CPNE3: variants seen among roughly 807,000 people sequenced by gnomAD.
CPNE3 encodes copine-3.
Under a neutral mutation model 63.9 loss-of-function variants are expected in CPNE3, and 68 were observed. That is an observed-to-expected ratio of 1.06 (90% CI 0.87 to 1.30). The LOEUF (loss-of-function observed/expected upper bound fraction) is 1.30, where lower values mean the gene tolerates loss of function less well. Ranked by LOEUF, CPNE3 falls within the 50% of genes most tolerant of loss-of-function variation. The pLI, the probability that CPNE3 is intolerant of heterozygous loss-of-function variation, is 0.00. For synonymous variants in CPNE3, 219 were observed against 197.5 expected, an observed-to-expected ratio of 1.11 and a Z score of -0.91; for missense variants, 665 against 578.1, an observed-to-expected ratio of 1.15 and a Z score of -1.54.
chr8:86,525,693 T>G (rs750438117), intron 2 of CPNE3, among the ~76,000 whole-genome samples: 27 of 152,236 alleles, frequency 1.8e-4, no homozygotes, highest in South Asian at 1.0e-3. Context: ...TGACTTCACA[T>G]GTAGATGTCT....
rs768582756 is a variant in CPNE3, at chr8:86,531,197, A to G, written c.355A>G (p.Thr119Ala). 4 of 1,335,166 alleles carry G rather than the reference A, an allele frequency of 3.0e-6. No individual in the cohort carries two copies. Among genetic ancestry groups the G allele is most frequent in the Non-Finnish European group, 4.3e-6 (4 of 925,062 alleles). The allele number at this position is 1,335,166 out of a possible 1,614,324, so 82.7% of individuals were successfully genotyped here. A position where few individuals can be genotyped will look rare whatever the true frequency, so the allele number is the denominator to read the frequency against. ...GCTAACTCGACCACTGGTGATGAAA[A>G]CTGGCAGACCTGCAGGAAAAGGGAG... ...KKLTRPLVMK[T>A]GRPAGKGSIT... The change falls in exon 5 of 17, where the codon ACT (threonine) becomes GCT (alanine). Residue 119 changes from threonine (T) to alanine (A), a missense_variant. Coordinates refer to ENST00000517490, the MANE Select transcript of CPNE3 (RefSeq NM_003909.5).
intron 8 of CPNE3, 28 bp from the exon 9 acceptor site, chr8:86,544,712 T>G (rs1464608962): frequency 8.9e-7 from 1 of 1,118,270 alleles, no homozygotes; most frequent in Non-Finnish European, 1.2e-6. Flanking sequence ...TATTGATTTT[T>G]ATATATTTTT....
chr8:86,548,393 T>C lies in CPNE3; in HGVS notation c.972T>C (p.Thr324=), dbSNP rs979333382. 6.2e-7 allele frequency: 1 copy of C among 1,614,198 alleles called. No homozygotes were observed. Among genetic ancestry groups the C allele is most frequent in the African/African-American group, 1.3e-5 (1 of 75,054 alleles). ...ISPNGVNEYL[T]ALWSVGLVIQ... is the part of the protein sequence containing the mutation. ...CCAATGGCGTTAATGAGTATTTGAC[T>C]GCTCTCTGGTCTGTGGGACTGGTCA... The change falls in exon 12 of 17, where the codon ACT becomes ACC. Residue 324 remains threonine, a synonymous_variant. Coordinates refer to ENST00000517490, the MANE Select transcript of CPNE3 (RefSeq NM_003909.5).
chr8:86,536,307 T>A (rs1015580548), intron 6 of CPNE3, among the ~76,000 whole-genome samples: 1 of 147,162 alleles, frequency 6.8e-6, no homozygotes, highest in East Asian at 2.0e-4. Context: ...GCATACTAGA[T>A]GTACACTTTC....
At position 86,557,726 on chromosome 8, in the gene CPNE3, C is replaced by T. The variant is rs549533458; in HGVS notation, c.1492-562C>T. On this transcript the variant is annotated intron_variant, in intron 16 of 16. Transcript: ENST00000517490. The stretch of plus-strand genomic sequence containing the variant: ...ATCTATCCAGATGACAAAATTGCAT[C>T]GAATTATACAGAAACAAACACACAC... Among the ~76,000 whole-genome samples, 12 of 151,622 alleles carry T rather than the reference C, an allele frequency of 7.9e-5. 1 individual carries two copies. Among genetic ancestry groups the T allele is most frequent in the Non-Finnish European group, 1.0e-4 (7 of 67,912 alleles).
intron 8 of CPNE3, 68 bp downstream of exon 8, chr8:86,540,402 T>C: frequency 1.4e-6 from 1 of 717,396 alleles, no homozygotes; most frequent in Admixed American, 3.2e-5. Flanking sequence ...ATAAAATTAA[T>C]ACATAAGATA....
chr8:86,518,753 C>G (rs912040295), intron 2 of CPNE3, among the ~76,000 whole-genome samples: 1 of 143,440 alleles, frequency 7.0e-6, no homozygotes, highest in African/African-American at 2.5e-5. Flanking sequence ...TCTGATAGCC[C>G]TTCTTTTTTA....
At chr8:86,532,192 A>T (rs1820697973) in intron 5 of CPNE3, among the ~76,000 whole-genome samples, 1 of 152,204 alleles carries the variant, frequency 6.6e-6, no homozygotes, top group East Asian at 1.9e-4. Context: ...AGGGAACTTC[A>T]GTATTGTGTA....
intron 5 of CPNE3, among the ~76,000 whole-genome samples, chr8:86,531,562 T>C (rs1457408916): frequency 6.6e-6 from 1 of 152,248 alleles, no homozygotes; most frequent in Admixed American, 6.5e-5. Context: ...TTTGGTTCTC[T>C]ACTGGAGGAA....
chr8:86,542,983 T>C (rs925093706), intron 8 of CPNE3, among the ~76,000 whole-genome samples: 4 of 152,122 alleles, frequency 2.6e-5, no homozygotes, highest in Non-Finnish European at 5.9e-5. Context: ...AGATATAAAT[T>C]GGTGTTCCCT....
At chr8:86,538,018 C>T (rs1820843230) in intron 7 of CPNE3, among the ~76,000 whole-genome samples, 1 of 151,900 alleles carries the variant, frequency 6.6e-6, no homozygotes, top group Non-Finnish European at 1.5e-5. Context: ...CTTATGCACA[C>T]ATGTATTTTC....
In CPNE3 at chr8:86,547,756, C is replaced by T. The variant is rs1821085700; in HGVS notation, c.865C>T (p.Gln289Ter). The T allele has an allele frequency of 7.3e-7, 1 of 1,361,344 alleles. No homozygotes were observed. The highest frequency in any genetic ancestry group is 1.0e-6 in the Non-Finnish European group (1 of 953,808). 84.3% of individuals were successfully genotyped at this position (1,361,344 alleles called of 1,614,324 possible). ...TFLDYIMGGC[Q>*]LNFTVGVDFT... ...CCTTGACTATATAATGGGAGGATGTCAGCTGAATTTTACTGTAAGTAACAC... is the reference window on the plus strand; with the variant it reads ...CCTTGACTATATAATGGGAGGATGTTAGCTGAATTTTACTGTAAGTAACAC... The change falls in exon 11 of 17, where the codon CAG becomes TAG. Residue 289 changes from glutamine (Q) to a stop codon, truncating the protein, a stop_gained. Transcript: ENST00000517490. LOFTEE classifies it high-confidence loss of function.
intron 5 of CPNE3, among the ~76,000 whole-genome samples, chr8:86,531,480 C>T (rs1254425902): frequency 6.6e-6 from 1 of 152,018 alleles, no homozygotes; most frequent in Non-Finnish European, 1.5e-5. Context: ...GCACCTTTAG[C>T]GATACCTGCC....
intron 6 of CPNE3, 38 bp downstream of exon 6, chr8:86,532,618 T>C: frequency 1.3e-6 from 2 of 1,535,538 alleles, no homozygotes; most frequent in South Asian, 1.2e-5. Context: ...GGTTGTCATG[T>C]TTTGCCTCTT....
At chr8:86,538,788 T>G (rs978227259) in intron 7 of CPNE3, among the ~76,000 whole-genome samples, 3 of 152,312 alleles carry the variant, frequency 2.0e-5, no homozygotes, top group Admixed American at 6.5e-5. Flanking sequence ...AGGCTCATGG[T>G]GCCAGGCTGC....
chr8:86,541,705 TAAAA>T (rs536813276), intron 8 of CPNE3, among the ~76,000 whole-genome samples: 2 of 122,194 alleles, frequency 1.6e-5, no homozygotes, highest in Non-Finnish European at 1.7e-5. Flanking sequence ...GACCGTGTCT[TAAAA>T]AAAAAAAAAA....
chr8:86,543,519 C>T (rs1820987753), intron 8 of CPNE3, among the ~76,000 whole-genome samples: 1 of 152,060 alleles, frequency 6.6e-6, no homozygotes, highest in Admixed American at 6.6e-5. Context: ...CAAGATAAAG[C>T]TCTCTATTGG....
chr8:86,531,984 TA>T (rs1206595531), intron 5 of CPNE3, among the ~76,000 whole-genome samples: 1 of 152,216 alleles, frequency 6.6e-6, no homozygotes, highest in African/African-American at 2.4e-5. Context: ...TCCAAAGGCA[TA>T]AGAATGTTCA....
At chr8:86,514,648 G>C (rs1820224628) in intron 1 of CPNE3, 107 bp downstream of exon 1, 1 of 152,226 alleles carries the variant, frequency 6.6e-6, no homozygotes, top group South Asian at 2.1e-4. Flanking sequence ...GAGCCCGCAG[G>C]CTCCGTGCGG....
Sources: gnomAD v4.1 joint callset for allele counts (sites outside exome capture counted in the v4.1 genomes callset) on GRCh38, gnomAD v4.1.1 for gene constraint, MANE v1.5 for transcripts, NCBI Gene and HGNC (gene_info 2026-07-23, HGNC 2026-07-21) for gene names.